Variants in PRDM10 observed in about 807,000 individuals in gnomAD.
PRDM10 encodes the protein PR/SET domain 10.
A neutral mutation model predicts 133.1 loss-of-function variants in PRDM10; 65 were observed. That is an observed-to-expected ratio of 0.49 (90% CI 0.40 to 0.60). PRDM10 has a LOEUF of 0.60. Ranked by LOEUF, PRDM10 falls within the 20% of genes least tolerant of loss-of-function variation. The probability of loss-of-function intolerance (pLI) is 0.00; values close to 1 mark genes in which losing one functional copy is unlikely to be tolerated. For synonymous variants in PRDM10, 582 were observed against 580.4 expected (o/e 1.00, Z -0.04); for missense variants, 1,137 against 1,507.1 (o/e 0.75, Z 4.07).
chr11:129,915,720 C>T lies in PRDM10; in HGVS notation c.2466G>A (p.Thr822=), dbSNP rs3734071. The change falls in exon 16 of 21, where the codon ACG becomes ACA. Residue 822 remains threonine (T), a synonymous_variant. Coordinates refer to ENST00000360871, the MANE Select transcript of PRDM10 (RefSeq NM_199437.2). ...DPMLSTHTQL[T]GTIATPPVCC... is the part of the protein sequence containing the mutation. ...AGACGGGAGGGGTGGCGATGGTGCC[C>T]GTCAGCTGGGTGTGTGTGCTCAGCA... 0.057 allele frequency: 91,211 copies of T among 1,613,796 alleles called. 11,453 individuals carry two copies. Among genetic ancestry groups the T allele is most frequent in the African/African-American group, 0.4 (29,759 of 74,940 alleles).
intron 8 of PRDM10, among the ~76,000 whole-genome samples, chr11:129,935,951 G>A (rs1037667972): frequency 4.6e-5 from 7 of 152,204 alleles, no homozygotes; most frequent in African/African-American, 1.7e-4. Context: ...ATGCTTCAGA[G>A]CAGGGACAGG....
chr11:129,998,914 C>T (rs1447260224), intron 1 of PRDM10, among the ~76,000 whole-genome samples: 2 of 151,260 alleles, frequency 1.3e-5, no homozygotes, highest in Non-Finnish European at 2.9e-5. Flanking sequence ...CCGCTACTTC[C>T]GGGGCTCAGG....
rs768225069 is a variant in PRDM10 at position 129,931,101 on chromosome 11, T to G, written c.1445A>C (p.His482Pro). 2 of 1,614,180 alleles carry G rather than the reference T, an allele frequency of 1.2e-6. No individual in the cohort carries two copies. Among genetic ancestry groups the G allele is most frequent in the Admixed American group, 3.3e-5 (2 of 60,026 alleles). ...GCTCTCTTCATGCTGCGGCTGCAGG[T>G]GCAGGGTGTGAGTTTCTGGTTCATG... The part of the protein sequence containing the change: ...LEHEPETHTL[H>P]LQPQHEESVV... Residue 482 changes from histidine to proline, a missense_variant, in exon 11 of 21, where the codon CAC becomes CCC. Around this residue, in one of 6 missense-constraint regions of PRDM10, gnomAD observed 635 missense variants for 835.2 expected, o/e 0.76. Coordinates refer to ENST00000360871, the MANE Select transcript of PRDM10 (RefSeq NM_199437.2).
chr11:129,905,588 A>G, intron 20 of PRDM10, 50 bp downstream of exon 20: 4 of 1,336,078 alleles, frequency 3.0e-6, no homozygotes, highest in Non-Finnish European at 4.3e-6. Flanking sequence ...GAGTTACTAT[A>G]CAGCACCACA....
At chr11:129,971,388 G>A (rs1591677307) in intron 1 of PRDM10, among the ~76,000 whole-genome samples, 1 of 152,150 alleles carries the variant, frequency 6.6e-6, no homozygotes, top group Admixed American at 6.5e-5. Context: ...CCCTGAGATA[G>A]ATACAAAGGT....
chr11:129,940,093 T>C (rs1951159914), intron 7 of PRDM10, among the ~76,000 whole-genome samples: 1 of 152,202 alleles, frequency 6.6e-6, no homozygotes, highest in Non-Finnish European at 1.5e-5. Flanking sequence ...CACAAAGTGG[T>C]TTATACCTCA....
Position 129,924,810 on chromosome 11 carries a change from G to C in PRDM10, c.1878+72C>G, listed in dbSNP as rs560755709. On this transcript the variant is annotated intron_variant, in intron 12 of 20. Transcript: ENST00000360871. ...GGAAATGCAGGTGCTAGGCAGTCTC[G>C]GTTTTCCAAAAATCGAAGTTTCTTT... The C allele has an allele frequency of 2.0e-4, 270 of 1,362,324 alleles. No individual in the cohort carries two copies. The African/African-American group carries it at 3.5e-3, about 18-fold the overall frequency. The allele number at this position is 1,362,324 out of a possible 1,614,324, so 84.4% of individuals were successfully genotyped here.
At chr11:129,990,577 T>TC (rs1291963257) in intron 1 of PRDM10, among the ~76,000 whole-genome samples, 1 of 150,712 alleles carries the variant, frequency 6.6e-6, no homozygotes, top group Non-Finnish European at 1.5e-5. Flanking sequence ...TTGAAGTAAT[T>TC]CCCTTTATAT....
intron 13 of PRDM10, among the ~76,000 whole-genome samples, chr11:129,921,743 A>G (rs1281936635): frequency 6.6e-6 from 1 of 152,194 alleles, no homozygotes; most frequent in Non-Finnish European, 1.5e-5. Flanking sequence ...AACTCAGACC[A>G]GCCTGGAAGG....
chr11:129,972,790 A>G (rs982701716), intron 1 of PRDM10, among the ~76,000 whole-genome samples: 1 of 152,172 alleles, frequency 6.6e-6, no homozygotes, highest in Non-Finnish European at 1.5e-5. Context: ...TTAGAGAAAC[A>G]GTCCTGCACT....
At chr11:129,991,444 G>A (rs961216424) in intron 1 of PRDM10, among the ~76,000 whole-genome samples, 1 of 152,294 alleles carries the variant, frequency 6.6e-6, no homozygotes, top group Non-Finnish European at 1.5e-5. Flanking sequence ...CGCACTTTGG[G>A]AGGCCCAGGT....
intron 7 of PRDM10, among the ~76,000 whole-genome samples, chr11:129,940,436 T>C (rs1332128368): frequency 6.6e-6 from 1 of 152,266 alleles, no homozygotes; most frequent in Non-Finnish European, 1.5e-5. Flanking sequence ...AATTCTACAA[T>C]TGACATTCCT....
chr11:129,944,395 C>CCATCCTGGCAAA (rs373627728), intron 6 of PRDM10, among the ~76,000 whole-genome samples: 1 of 151,342 alleles, frequency 6.6e-6, no homozygotes, highest in Non-Finnish European at 1.5e-5. Context: ...GAGATCGAGA[C>CCATCCTGGCAAA]CACGGTGAAA....
chr11:129,929,806 A>G (rs184112778), intron 11 of PRDM10, among the ~76,000 whole-genome samples: 121 of 152,274 alleles, frequency 7.9e-4, no homozygotes, highest in Non-Finnish European at 1.4e-3. Flanking sequence ...TAGTAAAAAA[A>G]ATCAGAATGG....
intron 1 of PRDM10, among the ~76,000 whole-genome samples, chr11:129,999,409 TATA>T (rs1591713786): frequency 6.6e-6 from 1 of 152,182 alleles, no homozygotes; most frequent in Non-Finnish European, 1.5e-5. Flanking sequence ...TTAAAGTACC[TATA>T]ATAAGTTAAA....
At chr11:129,968,545 A>G (rs975641762) in intron 1 of PRDM10, among the ~76,000 whole-genome samples, 1 of 151,984 alleles carries the variant, frequency 6.6e-6, no homozygotes, top group African/African-American at 2.4e-5. Context: ...TGGAAGCAGA[A>G]TTTTTCTGTT....
At chr11:129,919,333 C>T (rs1298906822) in intron 13 of PRDM10, among the ~76,000 whole-genome samples, 1 of 152,218 alleles carries the variant, frequency 6.6e-6, no homozygotes, top group Non-Finnish European at 1.5e-5. Flanking sequence ...CACCACTGCA[C>T]TCCAGCCTGG....
At position 129,915,709 on chromosome 11, in the gene PRDM10, G is replaced by A; in HGVS notation, c.2477C>T (p.Ala826Val). The change falls in exon 16 of 21, where the codon GCC becomes GTC. Residue 826 changes from alanine (A) to valine (V), a missense_variant. Physicochemically the swap from Ala to Val is moderately conservative, Grantham distance 64 (BLOSUM62 0). Transcript: ENST00000360871. Reference sequence around the variant, plus strand: ...GTGGGGACAGCAGACGGGAGGGGTGGCGATGGTGCCCGTCAGCTGGGTGTG... The same window carrying A: ...GTGGGGACAGCAGACGGGAGGGGTGACGATGGTGCCCGTCAGCTGGGTGTG... Reference protein sequence around the residue: ...STHTQLTGTIATPPVCCPHCS... With the variant: ...STHTQLTGTIVTPPVCCPHCS... The A allele has an allele frequency of 6.2e-7, 1 of 1,613,890 alleles. No homozygotes were observed. Among genetic ancestry groups the A allele is most frequent in the Non-Finnish European group, 8.5e-7 (1 of 1,179,910 alleles).
rs61009051 is a variant in PRDM10 at position 130,000,915 on chromosome 11, T to C, written c.-119+1807A>G. Among the ~76,000 whole-genome samples, 1,018 of 152,300 alleles carry C rather than the reference T, an allele frequency of 6.7e-3. 8 individuals are homozygous for C. The highest frequency in any genetic ancestry group is 0.022 in the African/African-American group (925 of 41,552). ...TGAGCTCAGCAGTTCGTAACCATCC[T>C]GGGCAAAATGATGAAACCCCGTTTC... On this transcript the variant is annotated intron_variant, in intron 1 of 20. Coordinates refer to ENST00000360871, the MANE Select transcript of PRDM10 (RefSeq NM_199437.2).
Sources: gnomAD v4.1 joint callset for allele counts (sites outside exome capture counted in the v4.1 genomes callset) on GRCh38, gnomAD v4.1.1 for gene constraint, gnomAD v4.1.1 regional missense constraint, MANE v1.5 for transcripts, NCBI Gene and HGNC (gene_info 2026-07-23, HGNC 2026-07-21) for gene names.